PHACTR2: variants seen among roughly 807,000 people sequenced by gnomAD.
PHACTR2 encodes phosphatase and actin regulator 2, also known as chromosome 6 open reading frame 56.
A neutral mutation model predicts 76.0 loss-of-function variants in PHACTR2; 30 were observed. The ratio of observed to expected loss-of-function variants is 0.39; its 90% CI spans 0.30 to 0.54. The LOEUF (loss-of-function observed/expected upper bound fraction) is 0.54. Among genes scored for constraint, PHACTR2 ranks in the 20% least tolerant of loss-of-function variants. The pLI is 0.61. For missense variants in PHACTR2, 696 were observed against 781.1 expected (o/e 0.89, Z 1.30); for synonymous variants, 292 against 292.5 (o/e 1.00, Z 0.02).
intron 6 of PHACTR2, among the ~76,000 whole-genome samples, chr6:143,768,794 T>C (rs1017821567): frequency 6.6e-6 from 1 of 152,218 alleles, no homozygotes; most frequent in Non-Finnish European, 1.5e-5. Context: ...GATATTCCTG[T>C]CCATCAAGGT....
Position 143,644,935 on chromosome 6 carries a change from A to G in PHACTR2, c.13+36613A>G, listed in dbSNP as rs201398613. Among the ~76,000 whole-genome samples the G allele has an allele frequency of 1.1e-4, 16 of 152,222 alleles. No homozygotes were observed. In the East Asian group the frequency reaches 3.1e-3, roughly 29 times the overall value. On this transcript the variant is annotated intron_variant, in intron 1 of 11. Coordinates refer to the PHACTR2 transcript ENST00000305766. ...TTGGTGCACCCATCACCTGAGCAGT[A>G]TACACTGCACCCCATTTGTAGTCTT...
Position 143,722,940 on chromosome 6 carries a change from T to C in PHACTR2, c.214+10757T>C, listed in dbSNP as rs1778476792. Among the ~76,000 whole-genome samples the C allele has an allele frequency of 6.6e-6, 1 of 152,264 alleles. No individual in the cohort carries two copies. On this transcript the variant is annotated intron_variant, in intron 2 of 12. Coordinates refer to ENST00000440869, the MANE Select transcript of PHACTR2 (RefSeq NM_001100164.2). The surrounding 1 kb of genome is among the most constrained non-coding windows in gnomAD (Gnocchi z 4.1). ...GTTGCTACAAATGACAGAATTTTATTCTTTTTTATGGCTGAATAGTATTCC... is the reference window on the plus strand; with the variant it reads ...GTTGCTACAAATGACAGAATTTTATCCTTTTTTATGGCTGAATAGTATTCC...
At chr6:143,779,562 C>A (rs971999249) in intron 9 of PHACTR2, among the ~76,000 whole-genome samples, 3 of 152,088 alleles carry the variant, frequency 2.0e-5, no homozygotes, top group Admixed American at 6.5e-5. Flanking sequence ...GTTGGCCAGG[C>A]TGGTCTCGAA....
rs779702273 is a variant in PHACTR2, at chr6:143,760,158, G to T, written c.455-243G>T. ...TTACACACATCCTCAACCTAATTTC[G>T]TCAAAGTAGTTTGTATAACCCGGTT... On this transcript the variant is annotated intron_variant, in intron 4 of 12. Coordinates refer to ENST00000440869, the MANE Select transcript of PHACTR2 (RefSeq NM_001100164.2). This position sits in a 1 kb window ranked among gnomAD's most constrained non-coding sequence, Gnocchi z 6.4. Among the ~76,000 whole-genome samples the T allele has an allele frequency of 1.3e-4, 20 of 152,086 alleles. No individual in the cohort carries two copies. Among genetic ancestry groups the T allele is most frequent in the South Asian group, 4.1e-4 (2 of 4,824 alleles).
Position 143,678,561 on chromosome 6 carries a change from A to C in PHACTR2, c.46+352A>C, listed in dbSNP as rs370254439. Among the ~76,000 whole-genome samples, 1 of 152,212 alleles carries C rather than the reference A, an allele frequency of 6.6e-6. No homozygotes were observed. The highest frequency in any genetic ancestry group is 1.5e-5 in the Non-Finnish European group (1 of 68,044). On this transcript the variant is annotated intron_variant, in intron 1 of 12. Transcript: ENST00000440869. This position sits in a 1 kb window ranked among gnomAD's most constrained non-coding sequence, Gnocchi z 6.2. ...TAGAGAGCAAGAGAAACATGCCAAC[A>C]GGTTTTTCTGTATTTACGCTTGGCT...
At chr6:143,544,363 C>A (rs988392261) in intron 1 of PHACTR2, among the ~76,000 whole-genome samples, 1 of 152,012 alleles carries the variant, frequency 6.6e-6, no homozygotes, top group African/African-American at 2.4e-5. Flanking sequence ...GTTGCCATGA[C>A]CCTTACGATA....
At position 143,688,387 on chromosome 6, in the gene PHACTR2, C is replaced by T. The variant is rs1777568908; in HGVS notation, c.46+10178C>T. Among the ~76,000 whole-genome samples, 1 of 152,076 alleles carries T rather than the reference C, an allele frequency of 6.6e-6. No individual in the cohort carries two copies. Among genetic ancestry groups the T allele is most frequent in the South Asian group, 2.1e-4 (1 of 4,826 alleles). On this transcript the variant is annotated intron_variant, in intron 1 of 12. Transcript: ENST00000440869. This position sits in a 1 kb window ranked among gnomAD's most constrained non-coding sequence, Gnocchi z 5.2. ...GAGTAGGGTCTCACCCAACTCTCAA[C>T]TCCCAGAGTTACCCAGTTTGTGTCT... is the stretch of plus-strand genomic sequence containing the variant.
At chr6:143,606,429 A>G (rs937535274), upstream of PHACTR2, among the ~76,000 whole-genome samples, 4 of 152,200 alleles carry the variant, frequency 2.6e-5, no homozygotes, top group African/African-American at 9.7e-5. Flanking sequence ...GAACTTTTGG[A>G]ACATAATCCA....
chr6:143,771,192 GTGTA>G lies in PHACTR2; in HGVS notation c.1233-1064_1233-1061del, dbSNP rs1316131866. On this transcript the variant is annotated intron_variant, in intron 6 of 12. Coordinates refer to ENST00000440869, the MANE Select transcript of PHACTR2 (RefSeq NM_001100164.2). The stretch of plus-strand genomic sequence containing the variant: ...TATATATGTATATATATATATATGT[GTGTA>G]TATATATATATATATATATATATAT... Among the ~76,000 whole-genome samples the G allele has an allele frequency of 5.8e-3, 97 of 16,618 alleles. 4 individuals carry two copies. Among genetic ancestry groups the G allele is most frequent in the African/African-American group, 0.03 (88 of 2,964 alleles). The allele number at this position is 16,618 out of a possible 152,430, so 10.9% of individuals were successfully genotyped here.
chr6:143,707,831 T>G (rs917725575), intron 1 of PHACTR2, among the ~76,000 whole-genome samples: 3 of 152,164 alleles, frequency 2.0e-5, no homozygotes, highest in African/African-American at 7.2e-5. Flanking sequence ...CTGCTTAGCT[T>G]CTGGGAAGAT....
At chr6:143,752,700 A>G (rs1779212192) in intron 3 of PHACTR2, among the ~76,000 whole-genome samples, 1 of 152,158 alleles carries the variant, frequency 6.6e-6, no homozygotes, top group South Asian at 2.1e-4. Context: ...AAGCAATTCA[A>G]TCCTATTTAA....
chr6:143,694,452 C>T (rs1340377934), intron 1 of PHACTR2, among the ~76,000 whole-genome samples: 1 of 152,102 alleles, frequency 6.6e-6, no homozygotes, highest in African/African-American at 2.4e-5. Flanking sequence ...ATGTGGCCAC[C>T]TGACTGGTTT....
intron 1 of PHACTR2, among the ~76,000 whole-genome samples, chr6:143,703,960 A>T (rs1260995247): frequency 2.6e-5 from 4 of 152,160 alleles, no homozygotes; most frequent in African/African-American, 7.2e-5. Context: ...TTTTCCCATA[A>T]ATATGTATCA....
rs964997807 is a variant in PHACTR2 at position 143,618,355 on chromosome 6, GC to G, written c.13+10034del. 6.6e-6 allele frequency among the ~76,000 whole-genome samples: 1 copy of G among 151,990 alleles called. No individual in the cohort carries two copies. The highest frequency in any genetic ancestry group is 6.6e-5 in the Admixed American group (1 of 15,260). The stretch of plus-strand genomic sequence containing the variant: ...ACCTTAAATATTAAAGCCTAGGGAT[GC>G]TTTGATAACTTGCTTTTCTGGCGTT... On this transcript the variant is annotated intron_variant, in intron 1 of 11. Coordinates refer to the PHACTR2 transcript ENST00000305766. This position sits in a 1 kb window ranked among gnomAD's most constrained non-coding sequence, Gnocchi z 5.2.
At chr6:143,725,774 C>T (rs111726965) in intron 2 of PHACTR2, among the ~76,000 whole-genome samples, 271 of 149,858 alleles carry the variant, frequency 1.8e-3, no homozygotes, top group Middle Eastern at 3.5e-3. Context: ...TGCAGTGAGC[C>T]GAGACTGAGC....
rs1294040675 is a variant in PHACTR2 at position 143,618,649 on chromosome 6, G to T, written c.13+10327G>T. ...GAATGTTTCCCTAACTGCCCCTCCT[G>T]CTCCAGCCCCCACCATTTCTCCCCA... is the stretch of plus-strand genomic sequence containing the variant. On this transcript the variant is annotated intron_variant, in intron 1 of 11. Transcript: ENST00000305766. The surrounding 1 kb of genome is among the most constrained non-coding windows in gnomAD (Gnocchi z 5.2). Among the ~76,000 whole-genome samples the T allele has an allele frequency of 6.6e-6, 1 of 151,918 alleles. No homozygotes were observed. Among genetic ancestry groups the T allele is most frequent in the Admixed American group, 6.6e-5 (1 of 15,254 alleles).
At position 143,578,786 on chromosome 6, in the gene PHACTR2, G is replaced by A. The variant is rs1417445303; in HGVS notation, c.217+41579G>A. ...AAGAAGAAAGGAGTCAGAAGTGAAAGCAGCTCAAAGATGAGGGAGAAGACG... is the reference window on the plus strand; with the variant it reads ...AAGAAGAAAGGAGTCAGAAGTGAAAACAGCTCAAAGATGAGGGAGAAGACG... On this transcript the variant is annotated intron_variant, in intron 1 of 11. Transcript: ENST00000367584. This position sits in a 1 kb window ranked among gnomAD's most constrained non-coding sequence, Gnocchi z 4.5. 6.6e-6 allele frequency among the ~76,000 whole-genome samples: 1 copy of A among 152,104 alleles called. No individual in the cohort carries two copies. The highest frequency in any genetic ancestry group is 1.9e-4 in the East Asian group (1 of 5,186).
chr6:143,606,667 G>T (rs565746774), upstream of PHACTR2, among the ~76,000 whole-genome samples: 12 of 151,734 alleles, frequency 7.9e-5, no homozygotes, highest in East Asian at 2.3e-3. Flanking sequence ...TAGTTAGTTT[G>T]TCCTAGATTT....
At position 143,596,134 on chromosome 6, in the gene PHACTR2, T is replaced by C. The variant is rs923852227; in HGVS notation, c.217+58927T>C. On this transcript the variant is annotated intron_variant, in intron 1 of 11. Transcript: ENST00000367584. The surrounding 1 kb of genome is among the most constrained non-coding windows in gnomAD (Gnocchi z 4.6). ...TTAACTATCTCAAATGAATTACAGA[T>C]ATTTTATAGCACTATCCACATGTTA... 2.6e-5 allele frequency among the ~76,000 whole-genome samples: 4 copies of C among 152,216 alleles called. No individual in the cohort carries two copies. The highest frequency in any genetic ancestry group is 9.6e-5 in the African/African-American group (4 of 41,452).
Sources: gnomAD v4.1 joint callset for allele counts (sites outside exome capture counted in the v4.1 genomes callset) on GRCh38, gnomAD v4.1.1 for gene constraint, Gnocchi (gnomAD v3.1) non-coding constraint, MANE v1.5 for transcripts, NCBI Gene and HGNC (gene_info 2026-07-23, HGNC 2026-07-21) for gene names.